FARS2: variants seen among roughly 807,000 people sequenced by gnomAD.
The protein encoded by FARS2 is phenylalanyl-tRNA synthetase 2, mitochondrial.
Under a neutral mutation model 46.4 loss-of-function variants are expected in FARS2, and 40 were observed. That is an observed-to-expected ratio of 0.86 (90% CI 0.67 to 1.12). FARS2 has a LOEUF of 1.12. Ranked by LOEUF, FARS2 falls within the 50% of genes most tolerant of loss-of-function variation. The pLI is 0.00. For missense variants in FARS2, 513 were observed against 567.9 expected (o/e 0.90, Z 0.98); for synonymous variants, 234 against 214.9 (o/e 1.09, Z -0.78).
At chr6:5,350,544 T>C (rs1275491775) in intron 1 of FARS2, among the ~76,000 whole-genome samples, 1 of 152,128 alleles carries the variant, frequency 6.6e-6, no homozygotes, top group Non-Finnish European at 1.5e-5. Context: ...CCCAGTTTAT[T>C]TTCGACAAAA....
rs1192064075 is a variant in FARS2 at position 5,359,029 on chromosome 6, CCTTTTTTTTTTTTT to C, written c.-21-9520_-21-9507del. 4.1e-5 allele frequency among the ~76,000 whole-genome samples: 3 copies of C among 72,516 alleles called. No homozygotes were observed. In the South Asian group the frequency reaches 2.0e-3, roughly 48 times the overall value. 47.6% of individuals were successfully genotyped at this position (72,516 alleles called of 152,430 possible). ...TCGAATTATAGTGATGAAAAGATACCCTTTTTTTTTTTTTTTTTTTTTTTTTTTGATATGGAGGC... is the reference window on the plus strand; with the variant it reads ...TCGAATTATAGTGATGAAAAGATACCTTTTTTTTTTTTTTGATATGGAGGC... On this transcript the variant is annotated intron_variant, in intron 1 of 6. Coordinates refer to ENST00000274680, the MANE Select transcript of FARS2 (RefSeq NM_006567.5).
chr6:5,340,267 C>T (rs1771465449), intron 1 of FARS2, among the ~76,000 whole-genome samples: 1 of 152,216 alleles, frequency 6.6e-6, no homozygotes. Flanking sequence ...CAATACCCCA[C>T]ATGTCCAGGA....
At chr6:5,445,388 C>A (rs1257557768) in intron 4 of FARS2, among the ~76,000 whole-genome samples, 1 of 152,036 alleles carries the variant, frequency 6.6e-6, no homozygotes, top group Non-Finnish European at 1.5e-5. Context: ...GGGATAAACA[C>A]AATCTGCTAA....
chr6:5,508,231 A>T (rs896944199), intron 4 of FARS2, among the ~76,000 whole-genome samples: 2 of 152,190 alleles, frequency 1.3e-5, no homozygotes, highest in African/African-American at 4.8e-5. Context: ...CAAGAGAGGA[A>T]TTTTCACCAG....
intron 6 of FARS2, among the ~76,000 whole-genome samples, chr6:5,722,412 A>G (rs1450144167): frequency 6.6e-6 from 1 of 152,226 alleles, no homozygotes; most frequent in South Asian, 2.1e-4. Context: ...AACAAAATAC[A>G]TCAGGGGTGC....
intron 5 of FARS2, among the ~76,000 whole-genome samples, chr6:5,581,357 A>G (rs1245546181): frequency 2.0e-5 from 3 of 152,218 alleles, no homozygotes; most frequent in Non-Finnish European, 4.4e-5. Flanking sequence ...CGTGGGCAGG[A>G]AGGGGATTTC....
intron 1 of FARS2, among the ~76,000 whole-genome samples, chr6:5,347,070 C>T (rs1344594302): frequency 6.6e-6 from 1 of 152,040 alleles, no homozygotes; most frequent in African/African-American, 2.4e-5. Context: ...CCCACCACCA[C>T]ACCTGGCTAA....
At chr6:5,404,336 A>C (rs1255073338) in intron 2 of FARS2, among the ~76,000 whole-genome samples, 2 of 151,822 alleles carry the variant, frequency 1.3e-5, no homozygotes, top group African/African-American at 4.8e-5. Context: ...TTCTCTAAAA[A>C]CCCCCCATAC....
At chr6:5,610,014 A>T (rs1434916841) in intron 5 of FARS2, 2 of 1,003,320 alleles carry the variant, frequency 2.0e-6, no homozygotes, top group East Asian at 2.4e-5. Flanking sequence ...CCGCAGTGGC[A>T]TAGTGACAAA....
At chr6:5,493,895 G>T (rs577651085) in intron 4 of FARS2, among the ~76,000 whole-genome samples, 14 of 152,044 alleles carry the variant, frequency 9.2e-5, no homozygotes, top group Non-Finnish European at 2.1e-4. Flanking sequence ...CTTTTATTTT[G>T]TCTCTTGTGT....
At chr6:5,662,665 T>C (rs1777904943) in intron 6 of FARS2, among the ~76,000 whole-genome samples, 1 of 152,214 alleles carries the variant, frequency 6.6e-6, no homozygotes, top group South Asian at 2.1e-4. Flanking sequence ...ACTATAATTA[T>C]CTTAGAAAGT....
chr6:5,473,552 A>AAT (rs1360479023), intron 4 of FARS2, among the ~76,000 whole-genome samples: 2 of 150,092 alleles, frequency 1.3e-5, no homozygotes, highest in African/African-American at 4.9e-5. Context: ...AAACAAAAAA[A>AAT]AAAAACAAAA....
chr6:5,303,990 T>TACGTAG (rs1391207981), intron 1 of FARS2, among the ~76,000 whole-genome samples: 11 of 152,132 alleles, frequency 7.2e-5, no homozygotes, highest in African/African-American at 2.7e-4. Flanking sequence ...CGTAGAATGC[T>TACGTAG]AATGGTCCCT....
chr6:5,419,464 GTTTTTT>G (rs1394787777), intron 3 of FARS2, among the ~76,000 whole-genome samples: 1 of 144,176 alleles, frequency 6.9e-6, no homozygotes, highest in African/African-American at 2.5e-5. Context: ...TCAGAGGAAG[GTTTTTT>G]TGTTCTTTAC....
intron 6 of FARS2, among the ~76,000 whole-genome samples, chr6:5,717,959 G>A (rs1377423817): frequency 6.7e-6 from 1 of 149,252 alleles, no homozygotes. Flanking sequence ...CTGTCGCCCA[G>A]GCTGGAGTAC....
At chr6:5,541,714 G>A (rs1341412153) in intron 4 of FARS2, among the ~76,000 whole-genome samples, 2 of 152,022 alleles carry the variant, frequency 1.3e-5, no homozygotes, top group African/African-American at 4.8e-5. Flanking sequence ...AAAGAATTCC[G>A]GGCAAGTCCG....
chr6:5,257,316 C>G (rs1764725103), upstream of FARS2, among the ~76,000 whole-genome samples: 1 of 152,164 alleles, frequency 6.6e-6, no homozygotes, highest in South Asian at 2.1e-4. Context: ...CTGACCACAC[C>G]AAGCTGCTTC....
At chr6:5,436,105 A>T (rs987430175) in intron 4 of FARS2, among the ~76,000 whole-genome samples, 8 of 152,220 alleles carry the variant, frequency 5.3e-5, no homozygotes, top group Admixed American at 2.0e-4. Flanking sequence ...AGTATTCATA[A>T]CAGGGGTACC....
intron 6 of FARS2, among the ~76,000 whole-genome samples, chr6:5,636,446 C>G (rs2150730402): frequency 6.6e-6 from 1 of 152,334 alleles, no homozygotes; most frequent in East Asian, 1.9e-4. Context: ...TCCTTTTACC[C>G]TGCAGTCTCT....
Sources: allele counts gnomAD v4.1 joint callset (sites outside exome capture counted in the v4.1 genomes callset), GRCh38; gene constraint gnomAD v4.1.1; transcripts MANE v1.5; gene names NCBI Gene and HGNC (gene_info 2026-07-23, HGNC 2026-07-21).